Variants in VCL observed in about 807,000 individuals in gnomAD.
The protein encoded by VCL is vinculin, also known as epididymis luminal protein 114.
VCL carries 47 observed loss-of-function variants against 125.7 expected under a neutral mutation model. The observed-to-expected ratio is 0.37, with a 90% CI of 0.30 to 0.48. VCL has a LOEUF of 0.48. VCL is among the 20% of genes least tolerant of loss of function. The pLI is 0.99. For synonymous variants in VCL, 458 were observed against 514.6 expected, an observed-to-expected ratio of 0.89 and a Z score of 1.49; for missense variants, 1,069 against 1,455.5, an observed-to-expected ratio of 0.73 and a Z score of 4.32.
intron 1 of VCL, among the ~76,000 whole-genome samples, chr10:74,022,019 C>T (rs895778724): frequency 2.0e-5 from 3 of 152,072 alleles, no homozygotes; most frequent in Non-Finnish European, 4.4e-5. Context: ...GCTCAGAAAC[C>T]TATGCCTTGT....
intron 2 of VCL, among the ~76,000 whole-genome samples, chr10:74,066,435 T>C (rs960341396): frequency 6.6e-6 from 1 of 152,044 alleles, no homozygotes; most frequent in African/African-American, 2.4e-5. Flanking sequence ...CATTATAATG[T>C]TGAACAAAAA....
intron 1 of VCL, among the ~76,000 whole-genome samples, chr10:74,007,868 T>C (rs1840349161): frequency 1.3e-5 from 2 of 151,342 alleles, no homozygotes; most frequent in African/African-American, 2.4e-5. Context: ...AGTGGCACAA[T>C]CTCCGCTCAC....
At chr10:74,078,106 G>A (rs1839620520) in intron 6 of VCL, among the ~76,000 whole-genome samples, 1 of 151,924 alleles carries the variant, frequency 6.6e-6, no homozygotes, top group Admixed American at 6.6e-5. Flanking sequence ...CTTGATGCAT[G>A]CTGAGAATTA....
intron 21 of VCL, among the ~76,000 whole-genome samples, chr10:74,115,189 A>G (rs1840292618): frequency 6.6e-6 from 1 of 152,040 alleles, no homozygotes; most frequent in Admixed American, 6.5e-5. Context: ...TGATTGCACC[A>G]CTGCACTGCA....
At chr10:74,104,875 G>GC in intron 15 of VCL, 176 bp from the exon 16 acceptor site, 1 of 755,012 alleles carries the variant, frequency 1.3e-6, no homozygotes, top group South Asian at 1.9e-5. Flanking sequence ...TGTCCTCACT[G>GC]TTTTTTTTAA....
chr10:74,035,074 C>A (rs889179653), intron 1 of VCL, among the ~76,000 whole-genome samples: 8 of 152,162 alleles, frequency 5.3e-5, no homozygotes, highest in Non-Finnish European at 2.9e-5. Context: ...CATCTTCCTA[C>A]CACATTTTTA....
intron 1 of VCL, among the ~76,000 whole-genome samples, chr10:74,032,615 G>A (rs1410406590): frequency 1.3e-5 from 2 of 151,450 alleles, no homozygotes; most frequent in East Asian, 1.9e-4. Context: ...CAGGAGAATC[G>A]CTTGAACCCG....
At chr10:74,083,746 C>T (rs1315418736) in intron 8 of VCL, among the ~76,000 whole-genome samples, 4 of 152,154 alleles carry the variant, frequency 2.6e-5, no homozygotes, top group Non-Finnish European at 2.9e-5. Context: ...GACTGGAGTG[C>T]GGTGGTGCGA....
At chr10:74,036,795 A>C (rs1030932413) in intron 1 of VCL, among the ~76,000 whole-genome samples, 3 of 152,080 alleles carry the variant, frequency 2.0e-5, no homozygotes, top group Non-Finnish European at 4.4e-5. Flanking sequence ...ATTTCTCCAT[A>C]CTAAGTTGAC....
At chr10:74,058,304 G>C (rs1841421804) in intron 2 of VCL, among the ~76,000 whole-genome samples, 1 of 152,030 alleles carries the variant, frequency 6.6e-6, no homozygotes, top group Non-Finnish European at 1.5e-5. Context: ...TCGTAGCCTT[G>C]TTTGATCAGA....
intron 5 of VCL, among the ~76,000 whole-genome samples, chr10:74,073,828 C>T (rs1353620809): frequency 1.3e-5 from 2 of 152,140 alleles, no homozygotes; most frequent in African/African-American, 4.8e-5. Context: ...TTAGTTATTT[C>T]TCAGAAGGCA....
At chr10:74,054,920 C>CAA in intron 2 of VCL, among the ~76,000 whole-genome samples, 1 of 146,062 alleles carries the variant, frequency 6.8e-6, no homozygotes, top group East Asian at 2.0e-4. Context: ...GACTATGTCT[C>CAA]AAAAAAAAAC....
intron 15 of VCL, 83 bp downstream of exon 15, chr10:74,104,011 C>T: frequency 7.2e-7 from 1 of 1,383,922 alleles, no homozygotes; most frequent in Non-Finnish European, 1.0e-6. Context: ...TTCTGTTACT[C>T]AGCTGTAATT....
intron 16 of VCL, among the ~76,000 whole-genome samples, chr10:74,105,710 C>G (rs1292670132): frequency 6.6e-6 from 1 of 152,092 alleles, no homozygotes; most frequent in Non-Finnish European, 1.5e-5. Context: ...GTGTGTGCCA[C>G]CATGCCTGGC....
intron 2 of VCL, among the ~76,000 whole-genome samples, chr10:74,053,060 T>C (rs1841335488): frequency 6.6e-6 from 1 of 151,864 alleles, no homozygotes; most frequent in Admixed American, 6.6e-5. Flanking sequence ...TTTTATGTTC[T>C]TTTCTAGTTT....
rs891568414 is a variant in VCL at position 74,097,062 on chromosome 10, G to T, written c.1744-142G>T. On this transcript the variant is annotated intron_variant, in intron 12 of 21. Coordinates refer to ENST00000211998, the MANE Select transcript of VCL (RefSeq NM_014000.3). The surrounding 1 kb of genome is among the most constrained non-coding windows in gnomAD (Gnocchi z 4.1). ...CATAAATTACACCTGTTCTGTGCTA[G>T]CTCAGTGCTTTGTACACAGTTAACA... 8 of 1,214,430 alleles carry T rather than the reference G, an allele frequency of 6.6e-6. No homozygotes were observed. The highest frequency in any genetic ancestry group is 9.4e-6 in the Non-Finnish European group (8 of 852,576). The allele number at this position is 1,214,430 out of a possible 1,614,324, so 75.2% of individuals were successfully genotyped here. A position where few individuals can be genotyped will look rare whatever the true frequency, so the allele number is the denominator to read the frequency against.
intron 6 of VCL, among the ~76,000 whole-genome samples, chr10:74,078,062 C>T (rs1033385588): frequency 2.0e-5 from 3 of 152,050 alleles, no homozygotes; most frequent in Admixed American, 2.0e-4. Flanking sequence ...TAGTGCTCTA[C>T]ATTTAATTTT....
At chr10:74,113,758 A>G (rs1008296178) in intron 19 of VCL, among the ~76,000 whole-genome samples, 4 of 152,074 alleles carry the variant, frequency 2.6e-5, no homozygotes, top group South Asian at 2.1e-4. Context: ...CTTTCTCCCT[A>G]TAGAAATGAA....
chr10:74,099,548 G>A (rs981941946), intron 13 of VCL, among the ~76,000 whole-genome samples: 7 of 152,158 alleles, frequency 4.6e-5, no homozygotes, highest in African/African-American at 1.7e-4. Context: ...AGTTCCTTGA[G>A]ATGAGGATAT....
Sources: allele counts gnomAD v4.1 joint callset (sites outside exome capture counted in the v4.1 genomes callset), GRCh38; gene constraint gnomAD v4.1.1; non-coding constraint Gnocchi (gnomAD v3.1); transcripts MANE v1.5; gene names NCBI Gene and HGNC (gene_info 2026-07-23, HGNC 2026-07-21).